The following BMP15 variants were observed in gnomAD, a reference collection of about 807,000 sequenced individuals.
The protein encoded by BMP15 is bone morphogenetic protein 15.
Under a neutral mutation model 4.4 loss-of-function variants are expected in BMP15, and 5 were observed. The ratio of observed to expected loss-of-function variants is 1.13; its 90% confidence interval spans 0.59 to 2.38. The LOEUF (loss-of-function observed/expected upper bound fraction) is 2.38. Ranked by LOEUF, BMP15 falls within the 30% of genes most tolerant of loss-of-function variation. The pLI, the probability that BMP15 is intolerant of heterozygous loss-of-function variation, is 0.01. For missense variants in BMP15, 339 were observed against 309.8 expected, an observed-to-expected ratio of 1.09 and a Z score of -0.71; for synonymous variants, 125 against 114.6, an observed-to-expected ratio of 1.09 and a Z score of -0.58.
At chrX:50,912,192 G>A (rs1350988279) in intron 1 of BMP15, among the ~76,000 whole-genome samples, 1 of 111,661 alleles carries the variant, frequency 9.0e-6, no homozygotes, top group African/African-American at 3.3e-5. Flanking sequence ...GTATTAACAT[G>A]CCTACTTGAT....
chrX:50,911,126 C>T lies in BMP15; in HGVS notation c.328+15C>T. ...GCCTCACAGAGGTGAGTTGTTATGC[C>T]CCCATACTGCCCTGGAAGGGAGAGA... On this transcript the variant is annotated intron_variant, in intron 1 of 1. Coordinates refer to ENST00000252677, the MANE Select transcript of BMP15 (RefSeq NM_005448.2). 1 of 1,163,201 alleles carries T rather than the reference C, an allele frequency of 8.6e-7. No homozygotes were observed. The highest frequency in any genetic ancestry group is 1.8e-5 in the African/African-American group (1 of 56,603).
intron 1 of BMP15, 90 bp downstream of exon 1, chrX:50,911,201 T>G (rs1923008669): frequency 9.7e-7 from 1 of 1,030,755 alleles, no homozygotes; most frequent in Admixed American, 2.6e-5. Context: ...ACTGTCAGGC[T>G]TTGTTGCCTT....
chrX:50,914,831 T>C (rs1923094483), intron 1 of BMP15, among the ~76,000 whole-genome samples: 1 of 111,845 alleles, frequency 8.9e-6, no homozygotes, highest in Admixed American at 9.5e-5. Context: ...TGGAGCACCA[T>C]GGATGTAACC....
intron 1 of BMP15, among the ~76,000 whole-genome samples, chrX:50,915,158 T>C (rs1923100071): frequency 9.0e-6 from 1 of 111,217 alleles, no homozygotes; most frequent in South Asian, 3.9e-4. Flanking sequence ...CAAAATTATT[T>C]TGTAGTGCCT....
chrX:50,911,699 G>A (rs1923020156), intron 1 of BMP15, among the ~76,000 whole-genome samples: 1 of 111,720 alleles, frequency 9.0e-6, no homozygotes, highest in Admixed American at 9.5e-5. Context: ...ATAGTGGGTC[G>A]CAGAGATGGG....
chrX:50,913,757 T>A (rs918364820), intron 1 of BMP15, among the ~76,000 whole-genome samples: 1 of 110,672 alleles, frequency 9.0e-6, no homozygotes, highest in Non-Finnish European at 1.9e-5. Flanking sequence ...AAAGGGCAGT[T>A]CCTCCCCAGA....
chrX:50,911,047 C>T lies in BMP15; in HGVS notation c.264C>T (p.Arg88=). Residue 88 remains arginine (R), a synonymous_variant, in exon 1 of 2, where the codon CGC becomes CGT. Coordinates refer to ENST00000252677, the MANE Select transcript of BMP15 (RefSeq NM_005448.2). ...ADSHGHPREN[R]TIGATMVRLV... is the part of the protein sequence containing the mutation. ...CGCATGGGCACCCTAGAGAGAACCG[C>T]ACCATTGGGGCCACCATGGTGAGGC... 1.7e-6 allele frequency: 2 copies of T among 1,198,691 alleles called. No homozygotes were observed. Among genetic ancestry groups the T allele is most frequent in the Non-Finnish European group, 2.2e-6 (2 of 888,920 alleles).
intron 1 of BMP15, among the ~76,000 whole-genome samples, chrX:50,913,770 G>A (rs1046530843): frequency 1.9e-4 from 21 of 110,949 alleles, no homozygotes; most frequent in Non-Finnish European, 3.6e-4. Context: ...TCCCCAGACA[G>A]CCTGCTAGAG....
Position 50,915,880 on chromosome X carries a change from A to T in BMP15, c.452A>T (p.His151Leu). ...LQLTRFNLSC[H>L]VEPWVQKNPT... is the part of the protein sequence containing the mutation. ...CTAACTCGCTTCAATCTCTCCTGCCATGTGGAGCCCTGGGTGCAGAAAAAC... is the reference window on the plus strand; with the variant it reads ...CTAACTCGCTTCAATCTCTCCTGCCTTGTGGAGCCCTGGGTGCAGAAAAAC... The change falls in exon 2 of 2, where the codon CAT becomes CTT. Residue 151 changes from histidine to leucine, a missense_variant. Physicochemically the swap from His to Leu is moderately conservative, Grantham distance 99 (BLOSUM62 -3). Transcript: ENST00000252677. 8.3e-7 allele frequency: 1 copy of T among 1,211,654 alleles called. No individual in the cohort carries two copies. Among genetic ancestry groups the T allele is most frequent in the South Asian group, 1.8e-5 (1 of 56,922 alleles).
At chrX:50,912,764 T>C (rs1298845799) in intron 1 of BMP15, among the ~76,000 whole-genome samples, 1 of 112,070 alleles carries the variant, frequency 8.9e-6, no homozygotes, top group Non-Finnish European at 1.9e-5. Flanking sequence ...ATGGAACATA[T>C]GTTCTCGTAG....
chrX:50,914,108 T>C (rs1391643597), intron 1 of BMP15, among the ~76,000 whole-genome samples: 2 of 111,459 alleles, frequency 1.8e-5, no homozygotes, highest in South Asian at 3.8e-4. Context: ...GTAGCTGGGA[T>C]TACAGGTGCC....
At chrX:50,913,182 C>T (rs1439094564) in intron 1 of BMP15, among the ~76,000 whole-genome samples, 1 of 111,324 alleles carries the variant, frequency 9.0e-6, no homozygotes, top group African/African-American at 3.3e-5. Context: ...AAATCAAGCA[C>T]TTTGGGAGGC....
intron 1 of BMP15, among the ~76,000 whole-genome samples, chrX:50,912,268 G>A (rs1317412606): frequency 4.5e-5 from 5 of 111,602 alleles, no homozygotes; most frequent in African/African-American, 1.6e-4. Flanking sequence ...CTAGAGCCAG[G>A]TATCAAACCC....
rs782705538 is a variant in BMP15, at chrX:50,915,795, C to T, written c.367C>T (p.Pro123Ser). ...HIQILGFPLRPNRGLYQLVRA... is the reference protein window; with the variant it reads ...HIQILGFPLRSNRGLYQLVRA... The stretch of plus-strand genomic sequence containing the variant: ...ACAGATCCTGGGCTTTCCTCTCAGA[C>T]CAAACCGAGGACTATACCAACTAGT... The change falls in exon 2 of 2, where the codon CCA (proline) becomes TCA (serine). Residue 123 changes from proline (P) to serine (S), a missense_variant. Transcript: ENST00000252677. The T allele has an allele frequency of 1.7e-6, 2 of 1,209,525 alleles. No individual in the cohort carries two copies. The highest frequency in any genetic ancestry group is 2.2e-5 in the Admixed American group (1 of 45,680).
At chrX:50,912,503 A>G (rs1016449844) in intron 1 of BMP15, among the ~76,000 whole-genome samples, 2 of 112,122 alleles carry the variant, frequency 1.8e-5, no homozygotes, top group East Asian at 2.8e-4. Context: ...CCCAGGACCT[A>G]TGAGAAGAAA....
At chrX:50,912,722 A>G (rs1309207745) in intron 1 of BMP15, among the ~76,000 whole-genome samples, 1 of 111,974 alleles carries the variant, frequency 8.9e-6, no homozygotes, top group African/African-American at 3.3e-5. Context: ...AGGCATACAG[A>G]TGTGATCAAG....
rs1245066328 is a variant in BMP15 at position 50,916,381 on chromosome X, A to G, written c.953A>G (p.Asn318Ser). The change falls in exon 2 of 2, where the codon AAC (asparagine) becomes AGC (serine). Residue 318 changes from asparagine (N) to serine (S), a missense_variant. Physicochemically the swap from Asn to Ser is conservative, Grantham distance 46. Coordinates refer to ENST00000252677, the MANE Select transcript of BMP15 (RefSeq NM_005448.2). The part of the protein sequence containing the change: ...WIIAPPFYTP[N>S]YCKGTCLRVL... ...ATTGCTCCCCCTTTCTACACCCCAA[A>G]CTACTGTAAAGGAACTTGTCTCCGA... is the stretch of plus-strand genomic sequence containing the variant. 6.7e-6 allele frequency: 8 copies of G among 1,195,567 alleles called. No individual in the cohort carries two copies. The highest frequency in any genetic ancestry group is 1.8e-5 in the African/African-American group (1 of 56,428).
rs1557280318 is a variant in BMP15 at position 50,916,130 on chromosome X, C to T, written c.702C>T (p.Leu234=). Residue 234 remains leucine, a synonymous_variant, in exon 2 of 2, where the codon CTC becomes CTT. Coordinates refer to ENST00000252677, the MANE Select transcript of BMP15 (RefSeq NM_005448.2). ...CCTTGGACATTGCCTTCTTGTTACT[C>T]TATTTCAATGATACTCATAAAAGCA... ...TSSLDIAFLL[L]YFNDTHKSIR... 4.1e-6 allele frequency: 5 copies of T among 1,211,699 alleles called. No individual in the cohort carries two copies. Among genetic ancestry groups the T allele is most frequent in the African/African-American group, 1.7e-5 (1 of 57,734 alleles).
rs202240385 is a variant in BMP15, at chrX:50,916,504, C to T, written c.1076C>T (p.Pro359Leu). The T allele has an allele frequency of 4.1e-6, 5 of 1,211,012 alleles. No homozygotes were observed. The highest frequency in any genetic ancestry group is 5.6e-6 in the Non-Finnish European group (5 of 895,265). Residue 359 changes from proline (P) to leucine (L), a missense_variant, in exon 2 of 2, where the codon CCG becomes CTG. By Grantham distance (98) the Pro-to-Leu change is moderately conservative. Transcript: ENST00000252677. Reference sequence around the variant, plus strand: ...AGTGTCCCCCGGCCCTCCTGTGTCCCGTATAAGTATGTTCCAATTAGTGTC... The same window carrying T: ...AGTGTCCCCCGGCCCTCCTGTGTCCTGTATAAGTATGTTCCAATTAGTGTC... Reference protein sequence around the residue: ...DQSVPRPSCVPYKYVPISVLM... With the variant: ...DQSVPRPSCVLYKYVPISVLM...
Sources: gnomAD v4.1 joint callset for allele counts (sites outside exome capture counted in the v4.1 genomes callset) on GRCh38, gnomAD v4.1.1 for gene constraint, MANE v1.5 for transcripts, NCBI Gene and HGNC (gene_info 2026-07-23, HGNC 2026-07-21) for gene names.